APH1B: variants seen among roughly 807,000 people sequenced by gnomAD.
APH1B encodes the protein aph-1B gamma-secretase subunit.
In APH1B, 27 loss-of-function variants were observed where a neutral mutation model predicts 28.2. That is an observed-to-expected ratio of 0.96 (90% CI 0.70 to 1.32). The LOEUF is 1.32. Ranked by LOEUF, APH1B falls within the 40% of genes most tolerant of loss-of-function variation. The pLI is 0.00. For missense variants in APH1B, 305 were observed against 313.6 expected (o/e 0.97, Z 0.21); for synonymous variants, 141 against 124.6 (o/e 1.13, Z -0.88).
chr15:63,300,830 G>T (rs891794824), intron 4 of APH1B, among the ~76,000 whole-genome samples: 1 of 152,048 alleles, frequency 6.6e-6, no homozygotes, highest in Non-Finnish European at 1.5e-5. Flanking sequence ...TTCACGATAC[G>T]GTTTTCTTTT....
At chr15:63,279,923 G>A (rs1361228528) in intron 2 of APH1B, among the ~76,000 whole-genome samples, 3 of 151,352 alleles carry the variant, frequency 2.0e-5, no homozygotes, top group African/African-American at 7.3e-5. Context: ...TCAGCCTCCC[G>A]AGTAGCTGGG....
At chr15:63,303,503 G>A (rs900517915) in intron 5 of APH1B, among the ~76,000 whole-genome samples, 1 of 152,164 alleles carries the variant, frequency 6.6e-6, no homozygotes, top group Non-Finnish European at 1.5e-5. Flanking sequence ...CATTGATGTT[G>A]TTTCTAGTTT....
chr15:63,282,436 A>G (rs939645453), intron 2 of APH1B, among the ~76,000 whole-genome samples: 5 of 152,230 alleles, frequency 3.3e-5, no homozygotes, highest in Non-Finnish European at 7.3e-5. Flanking sequence ...TAATCTTACT[A>G]ATCTTGTTCT....
chr15:63,277,850 G>T (rs2038341712), intron 1 of APH1B, 114 bp downstream of exon 1: 2 of 1,035,298 alleles, frequency 1.9e-6, no homozygotes, highest in South Asian at 3.1e-5. Context: ...TTTCAGACGG[G>T]AGGAGGGTTG....
In APH1B at chr15:63,279,210, A is replaced by G. The variant is rs966653733; in HGVS notation, c.163A>G (p.Met55Val). Residue 55 changes from methionine to valine, a missense_variant, in exon 2 of 6, where the codon ATG becomes GTG. Transcript: ENST00000261879. ...SLLISSLVWFMARVIIDNKDG... is the reference protein window; with the variant it reads ...SLLISSLVWFVARVIIDNKDG... ...ACTGATTTCGTCCCTTGTTTGGTTCATGGCAAGAGTCATTATTGACAACAA... is the reference window on the plus strand; with the variant it reads ...ACTGATTTCGTCCCTTGTTTGGTTCGTGGCAAGAGTCATTATTGACAACAA... 6.2e-7 allele frequency: 1 copy of G among 1,610,936 alleles called. No individual in the cohort carries two copies. Among genetic ancestry groups the G allele is most frequent in the African/African-American group, 1.3e-5 (1 of 74,614 alleles).
chr15:63,302,312 T>TA (rs1175417634), intron 4 of APH1B, 33 bp from the exon 5 acceptor site: 1 of 1,610,852 alleles, frequency 6.2e-7, no homozygotes, highest in Admixed American at 1.7e-5. Context: ...CTGATACCTG[T>TA]AGGAGTGACA....
chr15:63,287,484 A>G lies in APH1B; in HGVS notation c.416A>G (p.Asp139Gly). The change falls in exon 4 of 6, where the codon GAC becomes GGC. Residue 139 changes from aspartate to glycine, a missense_variant. Physicochemically the swap from Asp to Gly is moderately conservative, Grantham distance 94. Coordinates refer to ENST00000261879, the MANE Select transcript of APH1B (RefSeq NM_031301.4). ...GVFSFVNTLS[D>G]SLGPGTVGIH... ...TTTTCCTTTGTGAATACCCTATCTGACTCCTTGGGGCCAGGCACAGTGGGC... is the reference window on the plus strand; with the variant it reads ...TTTTCCTTTGTGAATACCCTATCTGGCTCCTTGGGGCCAGGCACAGTGGGC... 1 of 1,613,438 alleles carries G rather than the reference A, an allele frequency of 6.2e-7. No homozygotes were observed. The highest frequency in any genetic ancestry group is 1.7e-4 in the Middle Eastern group (1 of 6,058).
intron 2 of APH1B, among the ~76,000 whole-genome samples, chr15:63,284,195 T>C (rs2038420947): frequency 1.3e-5 from 2 of 151,834 alleles, no homozygotes. Context: ...TATTATATAC[T>C]GTACATAATT....
chr15:63,297,077 C>T (rs555978225), intron 4 of APH1B, among the ~76,000 whole-genome samples: 9 of 152,322 alleles, frequency 5.9e-5, no homozygotes, highest in Non-Finnish European at 1.2e-4. Flanking sequence ...TTACAGTCGT[C>T]ACAAACTGAT....
At chr15:63,280,958 G>C (rs2038379690) in intron 2 of APH1B, among the ~76,000 whole-genome samples, 1 of 152,104 alleles carries the variant, frequency 6.6e-6, no homozygotes, top group South Asian at 2.1e-4. Flanking sequence ...AGACTAGCCT[G>C]GGCAACATGG....
intron 2 of APH1B, among the ~76,000 whole-genome samples, chr15:63,285,050 T>G (rs2038431217): frequency 6.6e-6 from 1 of 152,220 alleles, no homozygotes; most frequent in Non-Finnish European, 1.5e-5. Context: ...GGTTACTGCT[T>G]CAGAGAAAGA....
At chr15:63,303,625 A>C (rs1173748645) in intron 5 of APH1B, among the ~76,000 whole-genome samples, 1 of 152,026 alleles carries the variant, frequency 6.6e-6, no homozygotes, top group Non-Finnish European at 1.5e-5. Flanking sequence ...CCTTCCAAGT[A>C]GCTGGGACTA....
rs1387339880 is a variant in APH1B at position 63,306,014 on chromosome 15, G to A, written c.*233G>A. 1 of 483,478 alleles carries A rather than the reference G, an allele frequency of 2.1e-6. No homozygotes were observed. The highest frequency in any genetic ancestry group is 2.0e-5 in the African/African-American group (1 of 49,956). The allele number at this position is 483,478 out of a possible 1,614,324, so 29.9% of individuals were successfully genotyped here. ...GACAGTGTAAAGCCGACTGATTCTG[G>A]GCTCCACCTTCCAGAGCTAATTGGC... is the stretch of plus-strand genomic sequence containing the variant. On this transcript the variant is annotated 3_prime_UTR_variant, in exon 6 of 6. Transcript: ENST00000261879.
At chr15:63,281,913 A>G (rs2038393292) in intron 2 of APH1B, among the ~76,000 whole-genome samples, 1 of 152,190 alleles carries the variant, frequency 6.6e-6, no homozygotes, top group Non-Finnish European at 1.5e-5. Flanking sequence ...AAGTTCAGAG[A>G]AGCCTCTTTA....
At chr15:63,302,674 A>G (rs991479414) in intron 5 of APH1B, among the ~76,000 whole-genome samples, 2 of 151,938 alleles carry the variant, frequency 1.3e-5, no homozygotes, top group African/African-American at 4.8e-5. Context: ...TTATTGAAAT[A>G]TTTTTTTCCC....
Position 63,304,351 on chromosome 15 carries a change from G to T in APH1B, c.607-1263G>T, listed in dbSNP as rs2038665120. 6.6e-6 allele frequency among the ~76,000 whole-genome samples: 1 copy of T among 152,156 alleles called. No individual in the cohort carries two copies. Among genetic ancestry groups the T allele is most frequent in the South Asian group, 2.1e-4 (1 of 4,828 alleles). On this transcript the variant is annotated intron_variant, in intron 5 of 5. Transcript: ENST00000261879. The surrounding 1 kb of genome is among the most constrained non-coding windows in gnomAD (Gnocchi z 5.1). The stretch of plus-strand genomic sequence containing the variant: ...CTAGTTACACAGGTGTGTTCATGCT[G>T]GGAAAATAAGGTTGAGCAAGTCTTC...
At chr15:63,292,208 G>GAT (rs1311268943) in intron 4 of APH1B, among the ~76,000 whole-genome samples, 1 of 152,046 alleles carries the variant, frequency 6.6e-6, no homozygotes, top group Admixed American at 6.5e-5. Flanking sequence ...ATCTCCTAAT[G>GAT]ATACAGAAAA....
Position 63,286,669 on chromosome 15 carries a change from T to G in APH1B, c.355+41T>G, listed in dbSNP as rs199683964. The G allele has an allele frequency of 1.9e-4, 295 of 1,529,410 alleles. 1 individual carries two copies. The highest frequency in any genetic ancestry group is 8.6e-4 in the Middle Eastern group (5 of 5,784). 94.7% of individuals were successfully genotyped at this position (1,529,410 alleles called of 1,614,324 possible). A position where few individuals can be genotyped will look rare whatever the true frequency, so the allele number is the denominator to read the frequency against. On this transcript the variant is annotated intron_variant, in intron 3 of 5. Coordinates refer to ENST00000261879, the MANE Select transcript of APH1B (RefSeq NM_031301.4). ...ATGGTTTCATTAAGGAAAAAAATCA[T>G]ACTTGGCATAAAAGTCATTTGCATC...
Position 63,279,331 on chromosome 15 carries a change from A to G in APH1B, c.284A>G (p.Lys95Arg). ...MFRFAYYKLL[K>R]KASEGLKSIN... ...CGATTTGCATATTATAAACTCTTAA[A>G]GTAAGTTAAATACCTGCCTTACCTT... The change falls in exon 2 of 6, where the codon AAA becomes AGA. Residue 95 changes from lysine (K) to arginine (R), a missense_variant and splice_region_variant. Transcript: ENST00000261879. 6.3e-7 allele frequency: 1 copy of G among 1,587,822 alleles called. No homozygotes were observed. Among genetic ancestry groups the G allele is most frequent in the Non-Finnish European group, 8.6e-7 (1 of 1,161,768 alleles).
Sources: allele counts gnomAD v4.1 joint callset (sites outside exome capture counted in the v4.1 genomes callset), GRCh38; gene constraint gnomAD v4.1.1; non-coding constraint Gnocchi (gnomAD v3.1); transcripts MANE v1.5; gene names NCBI Gene and HGNC (gene_info 2026-07-23, HGNC 2026-07-21).